WFS1: variants seen among roughly 807,000 people sequenced by gnomAD.
WFS1 encodes the protein wolframin.
In WFS1, 90 loss-of-function variants were observed where a neutral mutation model predicts 68.5. That is an observed-to-expected ratio of 1.31 (90% CI 1.11 to 1.56). The LOEUF (loss-of-function observed/expected upper bound fraction) is 1.56, where lower values mean the gene tolerates loss of function less well. Ranked by LOEUF, WFS1 falls within the 40% of genes most tolerant of loss-of-function variation. The pLI, the probability that WFS1 is intolerant of heterozygous loss-of-function variation, is 0.00. For missense variants in WFS1, 1,767 were observed against 1,232.6 expected, an observed-to-expected ratio of 1.43 and a Z score of -6.49; for synonymous variants, 860 against 540.7, an observed-to-expected ratio of 1.59 and a Z score of -8.19.
rs876658118 is a variant in WFS1, at chr4:6,301,500, G to T, written c.1705G>T (p.Ala569Ser). 6.2e-7 allele frequency: 1 copy of T among 1,613,328 alleles called. No individual in the cohort carries two copies. The highest frequency in any genetic ancestry group is 8.5e-7 in the Non-Finnish European group (1 of 1,179,928). ...ASIGYFLFLF[A>S]LPILVAGLAL... ...CATCGGCTACTTCCTCTTCCTCTTT[G>T]CCCTCCCCATCCTGGTGGCCGGCCT... The change falls in exon 8 of 8, where the codon GCC becomes TCC. Residue 569 changes from alanine to serine, a missense_variant. Coordinates refer to ENST00000226760, the MANE Select transcript of WFS1 (RefSeq NM_006005.3).
intron 2 of WFS1, among the ~76,000 whole-genome samples, chr4:6,280,885 C>T (rs930955427): frequency 2.0e-5 from 3 of 151,846 alleles, no homozygotes; most frequent in South Asian, 2.1e-4. Flanking sequence ...CTTTCCGAGT[C>T]GTACCCGCCA....
intron 4 of WFS1, among the ~76,000 whole-genome samples, chr4:6,289,820 AAG>A (rs1267352147): frequency 1.3e-5 from 2 of 152,238 alleles, no homozygotes; most frequent in Admixed American, 1.3e-4. Context: ...TTCAGATTGT[AAG>A]AGTATTTTAT....
chr4:6,276,236 C>A (rs1560400850), intron 1 of WFS1, among the ~76,000 whole-genome samples: 1 of 152,234 alleles, frequency 6.6e-6, no homozygotes, highest in Non-Finnish European at 1.5e-5. Flanking sequence ...TAACGCCGCT[C>A]ATCCAGGGCC....
Position 6,302,310 on chromosome 4 carries a change from G to T in WFS1, c.2515G>T (p.Val839Phe). The change falls in exon 8 of 8, where the codon GTC becomes TTC. Residue 839 changes from valine to phenylalanine, a missense_variant. Transcript: ENST00000226760. ...GGGCCGCCTGGGCAGCAAGTGGCCT[G>T]TCTTCGAGCTCAAGGCCATCAGCTG... ...LEGRLGSKWP[V>F]FELKAISCLN... is the part of the protein sequence containing the mutation. 1 of 1,611,040 alleles carries T rather than the reference G, an allele frequency of 6.2e-7. No individual in the cohort carries two copies. The highest frequency in any genetic ancestry group is 8.5e-7 in the Non-Finnish European group (1 of 1,178,908).
At chr4:6,280,593 A>C (rs981239054) in intron 2 of WFS1, among the ~76,000 whole-genome samples, 21 of 152,180 alleles carry the variant, frequency 1.4e-4, no homozygotes, top group Admixed American at 3.9e-4. Context: ...GCTCAGATGC[A>C]CAGAGGGACA....
At position 6,287,283 on chromosome 4, in the gene WFS1, T is replaced by A. The variant is rs1406048086; in HGVS notation, c.315+108T>A. ...GAAGTGTCGGTGCCTGAGATCGGGG[T>A]CAGGAGCCAGCGTGGTGCACCCTAC... On this transcript the variant is annotated intron_variant, in intron 3 of 7. Transcript: ENST00000226760. This position sits in a 1 kb window ranked among gnomAD's most constrained non-coding sequence, Gnocchi z 6.4. The A allele has an allele frequency of 9.5e-6, 10 of 1,057,650 alleles. No individual in the cohort carries two copies. Among genetic ancestry groups the A allele is most frequent in the Non-Finnish European group, 5.7e-6 (4 of 703,966 alleles). 65.5% of individuals were successfully genotyped at this position (1,057,650 alleles called of 1,614,324 possible).
At chr4:6,294,923 C>T in intron 6 of WFS1, 118 bp from the exon 7 acceptor site, 1 of 1,548,948 alleles carries the variant, frequency 6.5e-7, no homozygotes, top group Non-Finnish European at 8.8e-7. Context: ...CCACCTGAAC[C>T]CACTCAGCTC....
intron 1 of WFS1, among the ~76,000 whole-genome samples, chr4:6,275,473 C>G (rs369365102): frequency 5.3e-5 from 8 of 151,634 alleles, no homozygotes; most frequent in Admixed American, 2.0e-4. Context: ...TTCCCGGGAG[C>G]TGGGAACTTG....
intron 7 of WFS1, among the ~76,000 whole-genome samples, chr4:6,299,839 G>A (rs1730799909): frequency 7.4e-6 from 1 of 135,002 alleles, no homozygotes; most frequent in African/African-American, 2.9e-5. Context: ...AATGTGTATA[G>A]GGGTGGGTTG....
intron 6 of WFS1, among the ~76,000 whole-genome samples, chr4:6,292,379 G>A (rs560116761): frequency 1.3e-5 from 2 of 152,060 alleles, no homozygotes; most frequent in Non-Finnish European, 2.9e-5. Flanking sequence ...GGGGCTCCGG[G>A]CAGAGGGAAC....
chr4:6,298,128 G>C (rs1172710214), intron 7 of WFS1, among the ~76,000 whole-genome samples: 1 of 152,252 alleles, frequency 6.6e-6, no homozygotes, highest in Non-Finnish European at 1.5e-5. Flanking sequence ...GCGTGAAACT[G>C]GTGGTGAGCA....
intron 1 of WFS1, among the ~76,000 whole-genome samples, chr4:6,276,183 C>T (rs1729989309): frequency 6.6e-6 from 1 of 152,198 alleles, no homozygotes; most frequent in African/African-American, 2.4e-5. Flanking sequence ...CACACAGCAG[C>T]AGGTTCAAGG....
Position 6,276,703 on chromosome 4 carries a change from G to A in WFS1, c.-5-748G>A, listed in dbSNP as rs553092428. ...AGCGTATTAGTTTTCTAGGGCTTCC[G>A]TAAGAAACTACTGGAAACTTGGTGG... On this transcript the variant is annotated intron_variant, in intron 1 of 7. Coordinates refer to ENST00000226760, the MANE Select transcript of WFS1 (RefSeq NM_006005.3). Among the ~76,000 whole-genome samples the A allele has an allele frequency of 5.3e-5, 8 of 152,268 alleles. No individual in the cohort carries two copies. In the East Asian group the frequency reaches 1.2e-3, roughly 22 times the overall value.
intron 2 of WFS1, among the ~76,000 whole-genome samples, chr4:6,285,982 A>G (rs184514277): frequency 6.2e-4 from 95 of 152,366 alleles, no homozygotes; most frequent in African/African-American, 2.1e-3. Context: ...ATTCAACTGG[A>G]GAACCTGTGC....
intron 7 of WFS1, among the ~76,000 whole-genome samples, chr4:6,296,976 A>C (rs1730654737): frequency 6.6e-6 from 1 of 152,194 alleles, no homozygotes; most frequent in Admixed American, 6.5e-5. Context: ...GGCATGTGCC[A>C]CCACACCCAG....
chr4:6,294,807 C>G, intron 6 of WFS1: 1 of 578,336 alleles, frequency 1.7e-6, no homozygotes, highest in Non-Finnish European at 3.1e-6. Context: ...ACAGCACACC[C>G]AGGGGCCGGG....
At chr4:6,293,841 C>T (rs1364305161) in intron 6 of WFS1, among the ~76,000 whole-genome samples, 2 of 152,158 alleles carry the variant, frequency 1.3e-5, no homozygotes, top group Non-Finnish European at 2.9e-5. Flanking sequence ...CAGACGCCGT[C>T]CTGAACCCGC....
chr4:6,280,993 G>C (rs1178338858), intron 2 of WFS1, among the ~76,000 whole-genome samples: 1 of 152,226 alleles, frequency 6.6e-6, no homozygotes, highest in Admixed American at 6.5e-5. Context: ...AGGTGGCCCA[G>C]CTCACTGTGA....
chr4:6,287,276 A>C lies in WFS1; in HGVS notation c.315+101A>C. The C allele has an allele frequency of 8.8e-7, 1 of 1,141,822 alleles. No individual in the cohort carries two copies. The highest frequency in any genetic ancestry group is 2.6e-5 in the East Asian group (1 of 38,814). The allele number at this position is 1,141,822 out of a possible 1,614,324, so 70.7% of individuals were successfully genotyped here. The stretch of plus-strand genomic sequence containing the variant: ...CCACAGAGAAGTGTCGGTGCCTGAG[A>C]TCGGGGTCAGGAGCCAGCGTGGTGC... On this transcript the variant is annotated intron_variant, in intron 3 of 7. Coordinates refer to ENST00000226760, the MANE Select transcript of WFS1 (RefSeq NM_006005.3). This position sits in a 1 kb window ranked among gnomAD's most constrained non-coding sequence, Gnocchi z 6.4.
Sources: gnomAD v4.1 joint callset for allele counts (sites outside exome capture counted in the v4.1 genomes callset) on GRCh38, gnomAD v4.1.1 for gene constraint, Gnocchi (gnomAD v3.1) non-coding constraint, MANE v1.5 for transcripts, NCBI Gene and HGNC (gene_info 2026-07-23, HGNC 2026-07-21) for gene names.